The following SEMA5B variants were observed in gnomAD, a reference collection of about 807,000 sequenced individuals.
SEMA5B encodes semaphorin-5B.
In SEMA5B, 66 loss-of-function variants were observed where a neutral mutation model predicts 135.0. The observed-to-expected ratio is 0.49, with a 90% CI of 0.40 to 0.60. The LOEUF (loss-of-function observed/expected upper bound fraction) is 0.60. SEMA5B is among the 20% of genes least tolerant of loss of function. The pLI is 0.00. For synonymous variants in SEMA5B, 690 were observed against 639.5 expected (o/e 1.08, Z -1.19); for missense variants, 1,501 against 1,566.3 (o/e 0.96, Z 0.70).
rs768771620 is a variant in SEMA5B at position 122,912,026 on chromosome 3, G to C, written c.2940C>G (p.Asp980Glu). ...PWSEWSKCTDDGAQSRSRHCE... is the reference protein window; with the variant it reads ...PWSEWSKCTDEGAQSRSRHCE... ...AGTGCCGGCTTCGGCTCTGGGCTCCGTCGTCAGTGCACTTACTCCACTCAG... is the reference window on the plus strand; with the variant it reads ...AGTGCCGGCTTCGGCTCTGGGCTCCCTCGTCAGTGCACTTACTCCACTCAG... The change falls in exon 20 of 23, where the codon GAC becomes GAG. Residue 980 changes from aspartate (D) to glutamate (E), a missense_variant. Asp to Glu is a conservative substitution (Grantham distance 45). This residue lies in a region of SEMA5B where 927 missense variants were observed against 881.6 expected (regional missense o/e 1.05). Coordinates refer to ENST00000357599, the MANE Select transcript of SEMA5B (RefSeq NM_001031702.4). The C allele has an allele frequency of 6.2e-7, 1 of 1,613,782 alleles. No individual in the cohort carries two copies. The highest frequency in any genetic ancestry group is 2.2e-5 in the East Asian group (1 of 44,862).
chr3:122,951,525 T>C (rs1490252042), intron 2 of SEMA5B, among the ~76,000 whole-genome samples: 1 of 152,222 alleles, frequency 6.6e-6, no homozygotes, highest in African/African-American at 2.4e-5. Context: ...ACTTGTCGCC[T>C]TCCACCTCCT....
chr3:123,005,160 T>C (rs56069854), intron 1 of SEMA5B, among the ~76,000 whole-genome samples: 10,177 of 151,906 alleles, frequency 0.067, 994 homozygotes, highest in African/African-American at 0.22. Flanking sequence ...ACCCCACTGC[T>C]CCCCTACACA....
intron 1 of SEMA5B, among the ~76,000 whole-genome samples, chr3:122,985,066 A>G (rs769107649): frequency 6.6e-6 from 1 of 152,224 alleles, no homozygotes; most frequent in Non-Finnish European, 1.5e-5. Flanking sequence ...AGCTACATCA[A>G]TCTTTTCGTC....
chr3:122,953,974 G>A (rs6808748), intron 2 of SEMA5B, among the ~76,000 whole-genome samples: 3,007 of 152,346 alleles, frequency 0.02, 96 homozygotes, highest in East Asian at 0.15. Flanking sequence ...CAATGTGGGT[G>A]TGTGAACCCC....
Position 122,986,331 on chromosome 3 carries a change from C to T in SEMA5B, c.-38-25030G>A, listed in dbSNP as rs565030329. Among the ~76,000 whole-genome samples, 4 of 152,312 alleles carry T rather than the reference C, an allele frequency of 2.6e-5. No individual in the cohort carries two copies. The East Asian group carries it at 7.7e-4, about 29-fold the overall frequency. On this transcript the variant is annotated intron_variant, in intron 1 of 22. Coordinates refer to ENST00000357599, the MANE Select transcript of SEMA5B (RefSeq NM_001031702.4). ...CATACAATTTGATATACCCAAAAAG[C>T]TAGTTACATGTTTATTAAATCAATT...
rs370804832 is a variant in SEMA5B at position 123,008,481 on chromosome 3, G to A, written c.-39+18983C>T. 7.9e-5 allele frequency among the ~76,000 whole-genome samples: 12 copies of A among 152,284 alleles called. 1 individual carries two copies. The highest frequency in any genetic ancestry group is 5.8e-4 in the East Asian group (3 of 5,182). On this transcript the variant is annotated intron_variant, in intron 1 of 22. Transcript: ENST00000357599. ...CAGGAGAAGGGGCCTCGTGCATCAG[G>A]TATGGCTGGATATAGCCCTGATGGG...
intron 1 of SEMA5B, 107 bp from the exon 2 acceptor site, chr3:122,961,408 G>T: frequency 9.8e-7 from 1 of 1,024,018 alleles, no homozygotes; most frequent in Non-Finnish European, 1.4e-6. Flanking sequence ...GGTTGCTGCT[G>T]TGTTTGTTTC....
At chr3:122,976,160 T>C in intron 1 of SEMA5B, 1 of 1,533,740 alleles carries the variant, frequency 6.5e-7, no homozygotes, top group Non-Finnish European at 8.7e-7. Flanking sequence ...TCACCCTGTG[T>C]TGGGCTGTGC....
At chr3:122,937,716 A>G (rs1026832747) in intron 5 of SEMA5B, among the ~76,000 whole-genome samples, 2 of 152,186 alleles carry the variant, frequency 1.3e-5, no homozygotes, top group Non-Finnish European at 2.9e-5. Context: ...ACTGACCTGG[A>G]TGAACCAAAC....
At chr3:122,956,171 A>G (rs908020918) in intron 2 of SEMA5B, among the ~76,000 whole-genome samples, 15 of 152,214 alleles carry the variant, frequency 9.9e-5, no homozygotes, top group Non-Finnish European at 7.3e-5. Context: ...AACTCCTGCT[A>G]TTTTGGGAAA....
chr3:122,966,554 A>ATTTT (rs1335935235), intron 1 of SEMA5B, among the ~76,000 whole-genome samples: 1 of 147,070 alleles, frequency 6.8e-6, no homozygotes, highest in African/African-American at 2.6e-5. Context: ...TATTATTATT[A>ATTTT]TTATTATTAT....
At chr3:123,020,779 G>A (rs1408995337) in intron 1 of SEMA5B, among the ~76,000 whole-genome samples, 1 of 152,202 alleles carries the variant, frequency 6.6e-6, no homozygotes, top group Non-Finnish European at 1.5e-5. Context: ...TTAAAGCTCT[G>A]CAGGTGGTTT....
chr3:122,936,333 G>A (rs1266130586), intron 5 of SEMA5B, among the ~76,000 whole-genome samples: 2 of 152,174 alleles, frequency 1.3e-5, no homozygotes, highest in East Asian at 1.9e-4. Flanking sequence ...GAATGTCAAC[G>A]CATCTTTGGA....
intron 2 of SEMA5B, among the ~76,000 whole-genome samples, chr3:122,959,740 T>C (rs1940492706): frequency 6.6e-6 from 1 of 151,774 alleles, no homozygotes; most frequent in African/African-American, 2.4e-5. Flanking sequence ...CCTCATAGAG[T>C]AGTAGTGTGG....
At chr3:122,957,246 G>C (rs1205458707) in intron 2 of SEMA5B, among the ~76,000 whole-genome samples, 1 of 152,242 alleles carries the variant, frequency 6.6e-6, no homozygotes, top group Non-Finnish European at 1.5e-5. Context: ...GGGACAGGTG[G>C]ATTAGAGCAG....
At chr3:122,967,956 C>G (rs547092006) in intron 1 of SEMA5B, among the ~76,000 whole-genome samples, 5 of 152,146 alleles carry the variant, frequency 3.3e-5, no homozygotes, top group African/African-American at 4.8e-5. Flanking sequence ...GACCATGCAC[C>G]GGGCCCAGCC....
Position 122,935,777 on chromosome 3 carries a change from G to A in SEMA5B, c.474+3648C>T, listed in dbSNP as rs368244664. Among the ~76,000 whole-genome samples the A allele has an allele frequency of 1.8e-4, 24 of 133,832 alleles. No homozygotes were observed. The South Asian group carries it at 4.1e-3, about 23-fold the overall frequency. The allele number at this position is 133,832 out of a possible 152,430, so 87.8% of individuals were successfully genotyped here. ...GTGATACCTGCTCACTGCAACCTCC[G>A]CCTCTTGGGTTCATGTGATTCCCGA... is the stretch of plus-strand genomic sequence containing the variant. On this transcript the variant is annotated intron_variant, in intron 5 of 22. Coordinates refer to ENST00000357599, the MANE Select transcript of SEMA5B (RefSeq NM_001031702.4).
rs376471573 is a variant in SEMA5B, at chr3:122,928,237, G to C, written c.637-234C>G. Among the ~76,000 whole-genome samples the C allele has an allele frequency of 7.9e-5, 12 of 152,246 alleles. 2 individuals are homozygous for C. The highest frequency in any genetic ancestry group is 6.5e-5 in the Admixed American group (1 of 15,302). ...CCCAGTCAGGACCCTCCAAGGTAAG[G>C]CTGACCAACAAAATACAGAAGGCCC... On this transcript the variant is annotated intron_variant, in intron 7 of 22. Coordinates refer to ENST00000357599, the MANE Select transcript of SEMA5B (RefSeq NM_001031702.4).
intron 1 of SEMA5B, among the ~76,000 whole-genome samples, chr3:123,011,939 T>C (rs552811059): frequency 6.6e-6 from 1 of 152,284 alleles, no homozygotes; most frequent in East Asian, 1.9e-4. Flanking sequence ...CTCGAATTGC[T>C]TGACCCTCCT....
Sources: gnomAD v4.1 joint callset for allele counts (sites outside exome capture counted in the v4.1 genomes callset) on GRCh38, gnomAD v4.1.1 for gene constraint, gnomAD v4.1.1 regional missense constraint, MANE v1.5 for transcripts, NCBI Gene and HGNC (gene_info 2026-07-23, HGNC 2026-07-21) for gene names.